ARNT: variants seen among roughly 807,000 people sequenced by gnomAD.
ARNT encodes class E basic helix-loop-helix protein 2.
ARNT carries 30 observed loss-of-function variants against 105.0 expected under a neutral mutation model. The observed-to-expected ratio is 0.29, with a 90% CI of 0.21 to 0.39. The LOEUF is 0.39. ARNT is among the 10% of genes least tolerant of loss of function. ARNT has a pLI of 1.00. For missense variants in ARNT, 748 were observed against 978.7 expected (o/e 0.76, Z 3.15); for synonymous variants, 304 against 344.0 (o/e 0.88, Z 1.29).
intron 1 of ARNT, among the ~76,000 whole-genome samples, chr1:150,862,926 C>T (rs891807205): frequency 6.6e-6 from 1 of 151,618 alleles, no homozygotes; most frequent in Non-Finnish European, 1.5e-5. Flanking sequence ...TGGCGCACAC[C>T]TGTAGTCCCA....
intron 6 of ARNT, among the ~76,000 whole-genome samples, chr1:150,838,175 C>T (rs1660645369): frequency 6.6e-6 from 1 of 152,152 alleles, no homozygotes; most frequent in African/African-American, 2.4e-5. Flanking sequence ...CTATTATCTA[C>T]CAAAAACATG....
At chr1:150,816,571 C>T (rs1557851055) in intron 18 of ARNT, among the ~76,000 whole-genome samples, 165 bp from the exon 19 acceptor site, 1 of 152,180 alleles carries the variant, frequency 6.6e-6, no homozygotes, top group Non-Finnish European at 1.5e-5. Context: ...CAGTCACACA[C>T]TGACCAGGAC....
intron 5 of ARNT, 81 bp from the exon 6 acceptor site, chr1:150,839,735 G>T: frequency 7.3e-7 from 1 of 1,367,340 alleles, no homozygotes; most frequent in Non-Finnish European, 1.0e-6. Flanking sequence ...TGGATACCAA[G>T]TGTGCTGCTG....
At chr1:150,840,256 AC>A (rs1307384870) in intron 5 of ARNT, among the ~76,000 whole-genome samples, 1 of 149,066 alleles carries the variant, frequency 6.7e-6, no homozygotes, top group African/African-American at 2.6e-5. Context: ...AAAACAAAAA[AC>A]AAAAAACAAG....
At chr1:150,865,425 A>G (rs1317229728) in intron 1 of ARNT, among the ~76,000 whole-genome samples, 1 of 152,138 alleles carries the variant, frequency 6.6e-6, no homozygotes, top group Non-Finnish European at 1.5e-5. Flanking sequence ...CAGAAAACCA[A>G]CTCAATTTAC....
chr1:150,812,385 A>T (rs1654906281), intron 21 of ARNT, among the ~76,000 whole-genome samples: 1 of 151,844 alleles, frequency 6.6e-6, no homozygotes, highest in Non-Finnish European at 1.5e-5. Flanking sequence ...ATTTCATATA[A>T]CCCCCTATAG....
At chr1:150,839,336 T>C in intron 6 of ARNT, 105 bp downstream of exon 6, 1 of 1,135,670 alleles carries the variant, frequency 8.8e-7, no homozygotes, top group Admixed American at 2.1e-5. Context: ...CGTTTTCCCA[T>C]TGTCTGACTT....
At chr1:150,829,861 C>T (rs771348484) in intron 11 of ARNT, 43 bp downstream of exon 11, 4 of 1,588,624 alleles carry the variant, frequency 2.5e-6, no homozygotes, top group African/African-American at 2.7e-5. Flanking sequence ...TGAAGATCTG[C>T]TCTAATTGAA....
chr1:150,846,291 T>A lies in ARNT; in HGVS notation c.199A>T (p.Met67Leu). 2 of 1,613,820 alleles carry A rather than the reference T, an allele frequency of 1.2e-6. No individual in the cohort carries two copies. Among genetic ancestry groups the A allele is most frequent in the Non-Finnish European group, 1.7e-6 (2 of 1,179,760 alleles). Residue 67 changes from methionine to leucine, a missense_variant, in exon 4 of 22, where the codon ATG becomes TTG. By Grantham distance (15) the Met-to-Leu change is conservative (BLOSUM62 2). Coordinates refer to ENST00000358595, the MANE Select transcript of ARNT (RefSeq NM_001668.4). The part of the protein sequence containing the change: ...SKFLRCDDDQ[M>L]SNDKERFARS... Reference sequence around the variant, plus strand: ...GCAAACCGCTCCTTATCGTTAGACATCTGATCATCATCACACCTGAAGGAG... The same window carrying A: ...GCAAACCGCTCCTTATCGTTAGACAACTGATCATCATCACACCTGAAGGAG...
At chr1:150,876,089 T>G (rs1668195813) in intron 1 of ARNT, among the ~76,000 whole-genome samples, 1 of 152,172 alleles carries the variant, frequency 6.6e-6, no homozygotes, top group African/African-American at 2.4e-5. Context: ...CCTTTAAATG[T>G]TTGGAAGCAA....
chr1:150,825,859 A>AC (rs924779195), intron 13 of ARNT, among the ~76,000 whole-genome samples: 6 of 150,056 alleles, frequency 4.0e-5, no homozygotes, highest in African/African-American at 1.5e-4. Flanking sequence ...AAAAAAAAAA[A>AC]ACTATATAAA....
chr1:150,812,231 C>A (rs1654879645), intron 21 of ARNT, 121 bp from the exon 22 acceptor site: 6 of 590,810 alleles, frequency 1.0e-5, no homozygotes, highest in Non-Finnish European at 1.6e-5. Context: ...GTGCTGAGCT[C>A]TTAGCCTTCC....
At chr1:150,821,834 T>TC (rs1194615928) in intron 14 of ARNT, among the ~76,000 whole-genome samples, 3 of 64,254 alleles carry the variant, frequency 4.7e-5, no homozygotes, top group Admixed American at 3.8e-4. Context: ...TTTTCTTTTT[T>TC]TTTTTTTTTT....
chr1:150,827,678 G>A (rs1658552518), intron 12 of ARNT, among the ~76,000 whole-genome samples: 4 of 152,104 alleles, frequency 2.6e-5, no homozygotes, highest in Admixed American at 1.3e-4. Flanking sequence ...ATTTCTCTTA[G>A]GTAGATACTC....
chr1:150,871,307 T>G (rs1667390377), intron 1 of ARNT, among the ~76,000 whole-genome samples: 1 of 147,734 alleles, frequency 6.8e-6, no homozygotes, highest in Non-Finnish European at 1.5e-5. Flanking sequence ...TTTTTTTTTT[T>G]TTTTTTTTTT....
At chr1:150,821,611 T>C (rs1283052232) in intron 14 of ARNT, among the ~76,000 whole-genome samples, 8 of 152,162 alleles carry the variant, frequency 5.3e-5, no homozygotes, top group Non-Finnish European at 7.4e-5. Flanking sequence ...AATGGTGCCA[T>C]TGTACAAACG....
chr1:150,846,160 T>A (rs1453726441), intron 4 of ARNT, 103 bp downstream of exon 4: 1 of 911,274 alleles, frequency 1.1e-6, no homozygotes, highest in African/African-American at 1.7e-5. Flanking sequence ...AACAGAGAAA[T>A]TCCGTCTCAT....
chr1:150,834,201 A>C (rs1471154383), intron 8 of ARNT, among the ~76,000 whole-genome samples: 1 of 152,064 alleles, frequency 6.6e-6, no homozygotes, highest in African/African-American at 2.4e-5. Flanking sequence ...TCAGCCTCCT[A>C]AAGTGCTGGG....
intron 1 of ARNT, among the ~76,000 whole-genome samples, chr1:150,870,765 TC>T (rs1337878306): frequency 6.6e-6 from 1 of 151,666 alleles, no homozygotes; most frequent in East Asian, 2.0e-4. Flanking sequence ...TACATCAGCC[TC>T]CCAAAGTGCT....
Sources: allele counts gnomAD v4.1 joint callset (sites outside exome capture counted in the v4.1 genomes callset), GRCh38; gene constraint gnomAD v4.1.1; transcripts MANE v1.5; gene names NCBI Gene and HGNC (gene_info 2026-07-23, HGNC 2026-07-21).